TSPEAR: variants seen among roughly 807,000 people sequenced by gnomAD.
TSPEAR encodes thrombospondin-type laminin G domain and EAR repeat-containing protein.
In TSPEAR, 69 loss-of-function variants were observed where a neutral mutation model predicts 71.6. That is an observed-to-expected ratio of 0.96 (90% CI 0.79 to 1.18). The LOEUF (loss-of-function observed/expected upper bound fraction) is 1.18, where lower values mean the gene tolerates loss of function less well. Among genes scored for constraint, TSPEAR ranks in the 50% most tolerant of loss-of-function variants. The probability of loss-of-function intolerance (pLI) is 0.00; values close to 1 mark genes in which losing one functional copy is unlikely to be tolerated. For missense variants in TSPEAR, 971 were observed against 894.9 expected (o/e 1.09, Z -1.09); for synonymous variants, 402 against 387.2 (o/e 1.04, Z -0.45).
intron 1 of TSPEAR, chr21:44,637,483 C>T: frequency 1.2e-6 from 2 of 1,613,420 alleles, no homozygotes; most frequent in Middle Eastern, 1.7e-4. Context: ...TAGTCGACTG[C>T]CCAGAGAGCT....
In TSPEAR at chr21:44,552,770, G is replaced by A. The variant is rs587650750; in HGVS notation, c.303+15015C>T. On this transcript the variant is annotated intron_variant, in intron 2 of 11. Coordinates refer to ENST00000323084, the MANE Select transcript of TSPEAR (RefSeq NM_144991.3). The stretch of plus-strand genomic sequence containing the variant: ...CAGCCCCTCCCTGCACACCTGCCTC[G>A]CCATTGTGATGGAAATTCCATCTGA... 5.3e-5 allele frequency among the ~76,000 whole-genome samples: 8 copies of A among 152,250 alleles called. No homozygotes were observed. In the South Asian group the frequency reaches 6.2e-4, roughly 12 times the overall value.
At chr21:44,637,592 C>A (rs1569233230) in intron 1 of TSPEAR, 3 of 1,613,918 alleles carry the variant, frequency 1.9e-6, no homozygotes, top group Non-Finnish European at 1.7e-6. Context: ...GGCCTGTGAG[C>A]CCAGCGCCTG....
intron 1 of TSPEAR, among the ~76,000 whole-genome samples, chr21:44,621,521 C>T (rs1555933494): frequency 1.3e-5 from 2 of 152,232 alleles, no homozygotes; most frequent in Admixed American, 1.3e-4. Flanking sequence ...ATGGCTGGCC[C>T]CTCCCCAGTA....
At chr21:44,672,289 G>A (rs1986091725) in intron 1 of TSPEAR, among the ~76,000 whole-genome samples, 1 of 152,216 alleles carries the variant, frequency 6.6e-6, no homozygotes, top group Non-Finnish European at 1.5e-5. Flanking sequence ...TAGCAAAATA[G>A]GCCAGGCACA....
chr21:44,581,179 C>T (rs974565973), intron 1 of TSPEAR, among the ~76,000 whole-genome samples: 1 of 152,188 alleles, frequency 6.6e-6, no homozygotes, highest in East Asian at 1.9e-4. Flanking sequence ...GTCTCTTCAG[C>T]TCTTCCATGC....
intron 1 of TSPEAR, chr21:44,575,035 GC>G (rs35730314): frequency 1.3e-6 from 2 of 1,578,358 alleles, no homozygotes; most frequent in East Asian, 2.2e-5. Flanking sequence ...TGATGGACAC[GC>G]CCCCCAGTGC....
Position 44,695,290 on chromosome 21 carries a change from G to T in TSPEAR, c.82+16143C>A, listed in dbSNP as rs148647481. On this transcript the variant is annotated intron_variant, in intron 1 of 11. Transcript: ENST00000323084. This position sits in a 1 kb window ranked among gnomAD's most constrained non-coding sequence, Gnocchi z 4.5. The stretch of plus-strand genomic sequence containing the variant: ...GGACGCTGTGCTGTCTCTCAGGTAC[G>T]CAAGTGCACCACAGACTCTGATATG... Among the ~76,000 whole-genome samples the T allele has an allele frequency of 6.6e-6, 1 of 152,064 alleles. No homozygotes were observed. Among genetic ancestry groups the T allele is most frequent in the Admixed American group, 6.6e-5 (1 of 15,262 alleles).
chr21:44,575,034 C>G, intron 1 of TSPEAR: 4 of 1,582,366 alleles, frequency 2.5e-6, no homozygotes, highest in Non-Finnish European at 3.4e-6. Flanking sequence ...CTGATGGACA[C>G]GCCCCCCAGT....
intron 2 of TSPEAR, chr21:44,550,400 C>G: frequency 1.7e-6 from 1 of 589,436 alleles, no homozygotes. Context: ...CAGAGGGTGA[C>G]GCTCCTGGGG....
intron 3 of TSPEAR, among the ~76,000 whole-genome samples, chr21:44,532,404 C>T (rs2052991415): frequency 1.3e-5 from 2 of 152,156 alleles, no homozygotes; most frequent in Non-Finnish European, 2.9e-5. Context: ...TGGGAAGCTG[C>T]TGCTAGGTCA....
chr21:44,658,993 A>G (rs1338775512), intron 1 of TSPEAR, among the ~76,000 whole-genome samples: 1 of 152,180 alleles, frequency 6.6e-6, no homozygotes, highest in Admixed American at 6.5e-5. Flanking sequence ...AACACCCACC[A>G]CAAATACAGA....
rs190177334 is a variant in TSPEAR at position 44,530,969 on chromosome 21, G to A, written c.633+74C>T. On this transcript the variant is annotated intron_variant, in intron 4 of 11. Transcript: ENST00000323084. ...CACGTCCAAGGATCTGTCAACTAGA[G>A]CAGTAGGACAACTGGCCTGGGGCAG... The A allele has an allele frequency of 7.5e-4, 876 of 1,163,260 alleles. 6 individuals are homozygous for A. In the Middle Eastern group the frequency reaches 0.022, roughly 29 times the overall value. The allele number at this position is 1,163,260 out of a possible 1,614,324, so 72.1% of individuals were successfully genotyped here. A position where few individuals can be genotyped will look rare whatever the true frequency, so the allele number is the denominator to read the frequency against.
intron 1 of TSPEAR, among the ~76,000 whole-genome samples, chr21:44,598,268 A>G (rs1555927875): frequency 1.3e-5 from 2 of 152,208 alleles, no homozygotes; most frequent in Non-Finnish European, 2.9e-5. Context: ...AAGAAAGTTT[A>G]AATGTTTAGC....
intron 1 of TSPEAR, chr21:44,676,086 T>C (rs1334369307): frequency 6.9e-6 from 6 of 869,392 alleles, no homozygotes; most frequent in Non-Finnish European, 1.2e-5. Context: ...AATTTAAACG[T>C]GTTTATATCT....
intron 1 of TSPEAR, chr21:44,654,645 G>A (rs1555942232): frequency 2.8e-6 from 4 of 1,436,924 alleles, no homozygotes; most frequent in Admixed American, 2.3e-5. Flanking sequence ...GGGGCGCAGA[G>A]GACAGGGCTG....
At chr21:44,581,139 T>C (rs17004673) in intron 1 of TSPEAR, among the ~76,000 whole-genome samples, 4,485 of 152,284 alleles carry the variant, frequency 0.029, 194 homozygotes, top group African/African-American at 0.094. Context: ...CTCAGAGATT[T>C]GGTATCTGGT....
chr21:44,575,017 C>T, intron 1 of TSPEAR: 1 of 1,595,870 alleles, frequency 6.3e-7, no homozygotes, highest in Non-Finnish European at 8.5e-7. Flanking sequence ...GGTCAGAAGC[C>T]CAGCTGCTGA....
chr21:44,691,543 CAT>C (rs1319984282), intron 1 of TSPEAR, among the ~76,000 whole-genome samples: 7 of 152,160 alleles, frequency 4.6e-5, no homozygotes, highest in African/African-American at 1.2e-4. Flanking sequence ...GAATTAGAAA[CAT>C]ATATGCACCA....
Position 44,612,236 on chromosome 21 carries a change from T to C in TSPEAR, c.83-44231A>G, listed in dbSNP as rs781948209. On this transcript the variant is annotated intron_variant, in intron 1 of 11. Coordinates refer to ENST00000323084, the MANE Select transcript of TSPEAR (RefSeq NM_144991.3). This position sits in a 1 kb window ranked among gnomAD's most constrained non-coding sequence, Gnocchi z 4.1. ...TGGCTCCTCCTGGCAGGTGGACAATTGCCAGGAAAGCTGCTGCGAGCCCCG... is the reference window on the plus strand; with the variant it reads ...TGGCTCCTCCTGGCAGGTGGACAATCGCCAGGAAAGCTGCTGCGAGCCCCG... The C allele has an allele frequency of 1.6e-5, 26 of 1,613,640 alleles. No homozygotes were observed. In the South Asian group the frequency reaches 2.4e-4, roughly 15 times the overall value.
Sources: allele counts gnomAD v4.1 joint callset (sites outside exome capture counted in the v4.1 genomes callset), GRCh38; gene constraint gnomAD v4.1.1; non-coding constraint Gnocchi (gnomAD v3.1); transcripts MANE v1.5; gene names NCBI Gene and HGNC (gene_info 2026-07-23, HGNC 2026-07-21).